Variants in USP6 observed in about 807,000 individuals in gnomAD.
USP6 encodes the protein ubiquitin carboxyl-terminal hydrolase 6.
In USP6, 128 loss-of-function variants were observed where a neutral mutation model predicts 175.7. The ratio of observed to expected loss-of-function variants is 0.73; its 90% CI spans 0.63 to 0.84. The LOEUF (loss-of-function observed/expected upper bound fraction) is 0.84. USP6 is among the 40% of genes least tolerant of loss of function. The pLI is 0.00. For synonymous variants in USP6, 562 were observed against 630.6 expected (o/e 0.89, Z 1.63); for missense variants, 1,498 against 1,760.3 (o/e 0.85, Z 2.67).
intron 32 of USP6, among the ~76,000 whole-genome samples, chr17:5,162,016 A>G (rs1175402944): frequency 2.0e-5 from 3 of 152,210 alleles, no homozygotes; most frequent in Non-Finnish European, 4.4e-5. Flanking sequence ...CTGTCTCAAA[A>G]AAAGTTTTTC....
intron 34 of USP6, 54 bp downstream of exon 34, chr17:5,168,177 G>C: frequency 3.3e-6 from 5 of 1,502,366 alleles, no homozygotes; most frequent in Non-Finnish European, 4.5e-6. Context: ...AAAGAAAGAA[G>C]ACATGAACAA....
rs566384709 is a variant in USP6 at position 5,151,934 on chromosome 17, C to T, written c.2643+3167C>T. Among the ~76,000 whole-genome samples the T allele has an allele frequency of 4.3e-4, 65 of 152,168 alleles. 1 individual carries two copies. The highest frequency in any genetic ancestry group is 8.7e-4 in the Non-Finnish European group (59 of 68,010). ...CGCATATAAAGAAAAGATTAAATTG[C>T]ACTTCATTAAAATTGATAACTTGGC... On this transcript the variant is annotated intron_variant, in intron 30 of 37. Transcript: ENST00000574788.
Position 5,132,545 on chromosome 17 carries a change from G to C in USP6, c.195+110G>C. ...GGGCGGTGGCGGGTGAGGGCAACACGCTGTCACTGGGAGGGGCAGCAGAGA... is the reference window on the plus strand; with the variant it reads ...GGGCGGTGGCGGGTGAGGGCAACACCCTGTCACTGGGAGGGGCAGCAGAGA... On this transcript the variant is annotated intron_variant, in intron 12 of 37. Coordinates refer to ENST00000574788, the MANE Select transcript of USP6 (RefSeq NM_001304284.2). The surrounding 1 kb of genome is among the most constrained non-coding windows in gnomAD (Gnocchi z 4.7). The C allele has an allele frequency of 6.3e-7, 1 of 1,577,454 alleles. No homozygotes were observed. The highest frequency in any genetic ancestry group is 1.1e-5 in the South Asian group (1 of 90,250).
At chr17:5,137,495 T>C (rs865846913) in intron 19 of USP6, among the ~76,000 whole-genome samples, 156 bp from the exon 20 acceptor site, 1 of 152,134 alleles carries the variant, frequency 6.6e-6, no homozygotes, top group Non-Finnish European at 1.5e-5. Flanking sequence ...CCATGAGAAG[T>C]TGCAAGACCT....
Position 5,148,596 on chromosome 17 carries a change from A to G in USP6, c.2472A>G (p.Leu824=), listed in dbSNP as rs1222208324. ...SSPSTNGMFT[L]TTNGDLPKPI... is the part of the protein sequence containing the mutation. ...CATCTACAAATGGAATGTTCACCCT[A>G]ACTACCAATGGGGACCTACCCAAAC... The change falls in exon 30 of 38, where the codon CTA becomes CTG. Residue 824 remains leucine (L), a synonymous_variant. Transcript: ENST00000574788. 3 of 1,613,960 alleles carry G rather than the reference A, an allele frequency of 1.9e-6. No individual in the cohort carries two copies. The highest frequency in any genetic ancestry group is 2.5e-6 in the Non-Finnish European group (3 of 1,179,844).
rs537523239 is a variant in USP6, at chr17:5,134,099, A to G, written c.494+103A>G. 4.1e-5 allele frequency: 50 copies of G among 1,219,084 alleles called. 1 individual carries two copies. The African/African-American group carries it at 7.0e-4, about 17-fold the overall frequency. 75.5% of individuals were successfully genotyped at this position (1,219,084 alleles called of 1,614,324 possible). On this transcript the variant is annotated intron_variant, in intron 15 of 37. Coordinates refer to ENST00000574788, the MANE Select transcript of USP6 (RefSeq NM_001304284.2). The stretch of plus-strand genomic sequence containing the variant: ...CAGGGTCACCCAGGAGGGATGACAG[A>G]GCTGCCAAGAGCTCTCCTGGCCCAG...
At chr17:5,165,608 AAAAAG>A (rs1436876667) in intron 33 of USP6, among the ~76,000 whole-genome samples, 1 of 152,128 alleles carries the variant, frequency 6.6e-6, no homozygotes, top group Non-Finnish European at 1.5e-5. Context: ...AACAAAAACA[AAAAAG>A]AAAAAAAAAT....
rs573669222 is a variant in USP6, at chr17:5,137,295, G to A, written c.825+109G>A. 1.8e-5 allele frequency: 25 copies of A among 1,426,392 alleles called. No homozygotes were observed. The East Asian group carries it at 2.5e-4, about 14-fold the overall frequency. The allele number at this position is 1,426,392 out of a possible 1,614,324, so 88.4% of individuals were successfully genotyped here. ...CTCCCAGCCCACAGGAGGCTCAGGC[G>A]GGTCCCCGAAGGACACACAAGCAAA... On this transcript the variant is annotated intron_variant, in intron 19 of 37. Transcript: ENST00000574788.
intron 21 of USP6, among the ~76,000 whole-genome samples, chr17:5,138,603 G>A (rs1196824410): frequency 2.6e-5 from 4 of 151,808 alleles, no homozygotes; most frequent in South Asian, 2.1e-4. Context: ...GGGAGACCCC[G>A]CCCCTCCCTG....
intron 31 of USP6, among the ~76,000 whole-genome samples, chr17:5,161,069 G>A (rs1030963815): frequency 2.0e-5 from 3 of 152,218 alleles, no homozygotes; most frequent in Non-Finnish European, 4.4e-5. Flanking sequence ...ATAACTCTGA[G>A]TAGTTAAGGC....
In USP6 at chr17:5,174,356, C is replaced by CT. The variant is rs2144215860; in HGVS notation, c.*1381dup. On this transcript the variant is annotated 3_prime_UTR_variant, in exon 38 of 38. Transcript: ENST00000574788. ...ATTCTCATTGCCAGATTCCATTACC[C>CT]TTTCTTCCTCATAGGTAGTAATTAC... is the stretch of plus-strand genomic sequence containing the variant. 1 of 190,654 alleles carries CT rather than the reference C, an allele frequency of 5.2e-6. No homozygotes were observed. Among genetic ancestry groups the CT allele is most frequent in the South Asian group, 1.9e-4 (1 of 5,142 alleles). 11.8% of individuals were successfully genotyped at this position (190,654 alleles called of 1,614,324 possible). A position where few individuals can be genotyped will look rare whatever the true frequency, so the allele number is the denominator to read the frequency against.
intron 33 of USP6, among the ~76,000 whole-genome samples, chr17:5,165,866 A>G (rs924440037): frequency 1.2e-4 from 19 of 152,202 alleles, no homozygotes; most frequent in Non-Finnish European, 2.6e-4. Context: ...CTGTCAGTAC[A>G]GTCCACAAAT....
Position 5,170,468 on chromosome 17 carries a change from C to T in USP6, c.3518-11C>T. 6.3e-7 allele frequency: 1 copy of T among 1,594,404 alleles called. No homozygotes were observed. The highest frequency in any genetic ancestry group is 1.3e-5 in the African/African-American group (1 of 74,382). Reference sequence around the variant, plus strand: ...TGGATTTGTGAATCTTTTCTTCTGTCCTGTTCACAGGTTCTCCTTCTTCAT... The same window carrying T: ...TGGATTTGTGAATCTTTTCTTCTGTTCTGTTCACAGGTTCTCCTTCTTCAT... On this transcript the variant is annotated splice_polypyrimidine_tract_variant and intron_variant, in intron 35 of 37. Coordinates refer to ENST00000574788, the MANE Select transcript of USP6 (RefSeq NM_001304284.2).
At chr17:5,141,323 C>T (rs993188138) in intron 22 of USP6, 102 bp from the exon 23 acceptor site, 17 of 1,055,394 alleles carry the variant, frequency 1.6e-5, no homozygotes, top group African/African-American at 1.7e-5. Context: ...TTAAAACTTC[C>T]GATTTAGGAA....
chr17:5,123,243 C>CA (rs896556336), intron 4 of USP6: 7 of 153,142 alleles, frequency 4.6e-5, no homozygotes, highest in Non-Finnish European at 8.8e-5. Flanking sequence ...GGCTGGGGCA[C>CA]ACGTCGGTGG....
chr17:5,151,435 G>GTGTA (rs1362298119), intron 30 of USP6, among the ~76,000 whole-genome samples: 1 of 93,828 alleles, frequency 1.1e-5, no homozygotes, highest in African/African-American at 7.4e-5. Flanking sequence ...GTCTGCATGT[G>GTGTA]TGTGTGTGTG....
Position 5,162,970 on chromosome 17 carries a change from C to T in USP6, c.3002C>T (p.Ala1001Val). The T allele has an allele frequency of 6.3e-7, 1 of 1,595,478 alleles. No homozygotes were observed. Among genetic ancestry groups the T allele is most frequent in the Non-Finnish European group, 8.5e-7 (1 of 1,175,526 alleles). ...AYIAVDWHPT[A>V]LHLRYQTSQE... ...ATTGCTGTGGATTGGCACCCCACAG[C>T]CCTTCACCTTCGCTATCAAACATCC... Residue 1001 changes from alanine (A) to valine (V), a missense_variant, in exon 33 of 38, where the codon GCC becomes GTC. Physicochemically the swap from Ala to Val is moderately conservative, Grantham distance 64 (BLOSUM62 0). This residue lies in a region of USP6 where 1,217 missense variants were observed against 1,500.8 expected (regional missense o/e 0.81). Coordinates refer to ENST00000574788, the MANE Select transcript of USP6 (RefSeq NM_001304284.2).
At chr17:5,148,430 T>C in intron 29 of USP6, 126 bp from the exon 30 acceptor site, 2 of 1,096,006 alleles carry the variant, frequency 1.8e-6, no homozygotes. Context: ...GAATTATTTA[T>C]ACTATGATTT....
chr17:5,135,402 A>G (rs2073221227), intron 16 of USP6, 120 bp downstream of exon 16: 3 of 1,346,734 alleles, frequency 2.2e-6, no homozygotes, highest in Non-Finnish European at 3.1e-6. Flanking sequence ...AGGATATAGG[A>G]GGTAGGATTC....
Sources: gnomAD v4.1 joint callset for allele counts (sites outside exome capture counted in the v4.1 genomes callset) on GRCh38, gnomAD v4.1.1 for gene constraint, gnomAD v4.1.1 regional missense constraint, Gnocchi (gnomAD v3.1) non-coding constraint, MANE v1.5 for transcripts, NCBI Gene and HGNC (gene_info 2026-07-23, HGNC 2026-07-21) for gene names.